The following XKR6 variants were observed in gnomAD, a reference collection of about 807,000 sequenced individuals.
The protein encoded by XKR6 is XK-related protein 6.
Under a neutral mutation model 56.7 loss-of-function variants are expected in XKR6, and 22 were observed. The observed-to-expected ratio is 0.39, with a 90% CI of 0.28 to 0.55. The LOEUF (loss-of-function observed/expected upper bound fraction) is 0.55, where lower values mean the gene tolerates loss of function less well. XKR6 is among the 20% of genes least tolerant of loss of function. The pLI is 0.66. For synonymous variants in XKR6, 524 were observed against 387.8 expected (o/e 1.35, Z -4.13); for missense variants, 852 against 889.0 (o/e 0.96, Z 0.53).
intron 1 of XKR6, among the ~76,000 whole-genome samples, chr8:11,004,449 T>C (rs922974825): frequency 1.3e-5 from 2 of 151,972 alleles, no homozygotes; most frequent in Non-Finnish European, 2.9e-5. Flanking sequence ...CACTTCAGCC[T>C]AGGCGACACA....
At chr8:10,975,841 A>C (rs932860460) in intron 1 of XKR6, among the ~76,000 whole-genome samples, 2 of 152,114 alleles carry the variant, frequency 1.3e-5, no homozygotes, top group Non-Finnish European at 2.9e-5. Context: ...CACTTGGTCA[A>C]TTCACTCAAT....
intron 1 of XKR6, among the ~76,000 whole-genome samples, chr8:11,003,215 A>T (rs1397562643): frequency 6.6e-6 from 1 of 152,194 alleles, no homozygotes; most frequent in Admixed American, 6.5e-5. Context: ...GAAGCTGCAC[A>T]CCACCTGGCA....
At chr8:11,085,266 T>C (rs1797848722) in intron 1 of XKR6, among the ~76,000 whole-genome samples, 2 of 152,120 alleles carry the variant, frequency 1.3e-5, no homozygotes, top group South Asian at 2.1e-4. Context: ...TCATTGTCTC[T>C]CTAACTGTGG....
chr8:10,971,623 A>G (rs1361728034), intron 1 of XKR6, among the ~76,000 whole-genome samples: 5 of 152,106 alleles, frequency 3.3e-5, no homozygotes, highest in African/African-American at 9.7e-5. Flanking sequence ...CCTGAGGCCA[A>G]TCAGTGGTTT....
intron 1 of XKR6, among the ~76,000 whole-genome samples, chr8:11,038,862 T>G (rs1799214185): frequency 6.6e-6 from 1 of 151,998 alleles, no homozygotes; most frequent in East Asian, 1.9e-4. Flanking sequence ...TGTAATAAAT[T>G]TAAGTGATTT....
intron 1 of XKR6, among the ~76,000 whole-genome samples, chr8:11,069,135 C>T (rs1044517360): frequency 6.6e-6 from 1 of 152,106 alleles, no homozygotes; most frequent in Non-Finnish European, 1.5e-5. Context: ...GGCGGCTCAG[C>T]CCAGAAACAT....
At chr8:11,080,938 G>A (rs1007733746) in intron 1 of XKR6, among the ~76,000 whole-genome samples, 6 of 152,120 alleles carry the variant, frequency 3.9e-5, no homozygotes, top group Non-Finnish European at 5.9e-5. Context: ...AAGAAGATCC[G>A]TATGACAAGG....
intron 1 of XKR6, among the ~76,000 whole-genome samples, chr8:10,995,976 T>C (rs1292633212): frequency 1.3e-5 from 2 of 152,210 alleles, no homozygotes; most frequent in African/African-American, 4.8e-5. Context: ...TGGGCCTCCA[T>C]TTCCTTGTTT....
intron 1 of XKR6, among the ~76,000 whole-genome samples, chr8:11,002,706 A>G (rs1316990161): frequency 1.3e-5 from 2 of 152,350 alleles, no homozygotes; most frequent in East Asian, 3.9e-4. Context: ...GTGCGAGTTC[A>G]ACGGCCCCAA....
At chr8:11,076,903 G>A (rs183683079) in intron 1 of XKR6, among the ~76,000 whole-genome samples, 393 of 152,306 alleles carry the variant, frequency 2.6e-3, no homozygotes, top group Non-Finnish European at 4.3e-3. Context: ...CTGGCTGAGC[G>A]CGGTGGCTCA....
At chr8:11,167,890 T>TAAAAA (rs34853825) in intron 1 of XKR6, among the ~76,000 whole-genome samples, 3 of 108,376 alleles carry the variant, frequency 2.8e-5, no homozygotes, top group East Asian at 3.2e-4. Context: ...CCCCATCTCT[T>TAAAAA]AAAAAAAAAA....
At chr8:10,905,459 A>G (rs1327080866) in intron 2 of XKR6, among the ~76,000 whole-genome samples, 2 of 152,158 alleles carry the variant, frequency 1.3e-5, no homozygotes, top group Non-Finnish European at 2.9e-5. Flanking sequence ...CCCATATTGT[A>G]GATGAGGAGA....
chr8:11,023,595 G>A (rs148916778), intron 1 of XKR6, among the ~76,000 whole-genome samples: 1 of 152,292 alleles, frequency 6.6e-6, no homozygotes, highest in Non-Finnish European at 1.5e-5. Context: ...TTCTATCTTA[G>A]AATCTGTGGG....
At chr8:11,031,266 T>C (rs1476213573) in intron 1 of XKR6, among the ~76,000 whole-genome samples, 2 of 152,186 alleles carry the variant, frequency 1.3e-5, no homozygotes, top group East Asian at 3.8e-4. Context: ...GCATGAGGGA[T>C]ATTTTAGACT....
At chr8:11,153,395 A>G (rs911379778) in intron 1 of XKR6, among the ~76,000 whole-genome samples, 2 of 152,194 alleles carry the variant, frequency 1.3e-5, no homozygotes, top group Non-Finnish European at 2.9e-5. Context: ...TAGGTTGGAT[A>G]ACTTTAGCCC....
chr8:10,991,006 C>T lies in XKR6; in HGVS notation c.765-66176G>A, dbSNP rs189319766. The stretch of plus-strand genomic sequence containing the variant: ...CCACCTCCACCTCCCGGAGTTCAAG[C>T]GATTCTCCTGCCTCAGCCTCCTGAG... On this transcript the variant is annotated intron_variant, in intron 1 of 2. Transcript: ENST00000416569. Among the ~76,000 whole-genome samples, 7 of 146,548 alleles carry T rather than the reference C, an allele frequency of 4.8e-5. No individual in the cohort carries two copies. The South Asian group carries it at 1.1e-3, about 23-fold the overall frequency.
At chr8:11,140,340 T>C (rs547750104) in intron 1 of XKR6, among the ~76,000 whole-genome samples, 24 of 152,110 alleles carry the variant, frequency 1.6e-4, no homozygotes, top group Non-Finnish European at 3.2e-4. Context: ...ATACCACCTA[T>C]CTAAGCCTAT....
chr8:10,905,541 T>A (rs1233092012), intron 2 of XKR6, among the ~76,000 whole-genome samples: 1 of 152,154 alleles, frequency 6.6e-6, no homozygotes, highest in Admixed American at 6.5e-5. Context: ...ACCTAACTTG[T>A]ATGGCATTGT....
At chr8:11,028,567 G>A (rs1798921682) in intron 1 of XKR6, among the ~76,000 whole-genome samples, 1 of 152,224 alleles carries the variant, frequency 6.6e-6, no homozygotes, top group Non-Finnish European at 1.5e-5. Context: ...TGAGAGGCAT[G>A]CTACTTTGAT....
Sources: allele counts gnomAD v4.1 joint callset (sites outside exome capture counted in the v4.1 genomes callset), GRCh38; gene constraint gnomAD v4.1.1; transcripts MANE v1.5; gene names NCBI Gene and HGNC (gene_info 2026-07-23, HGNC 2026-07-21).